The following CCNH variants were observed in gnomAD, a reference collection of about 807,000 sequenced individuals.
CCNH encodes the protein cyclin-H.
CCNH carries 31 observed loss-of-function variants against 41.9 expected under a neutral mutation model. The ratio of observed to expected loss-of-function variants is 0.74; its 90% CI spans 0.56 to 1.00. The LOEUF is 1.00. Among genes scored for constraint, CCNH ranks in the 50% least tolerant of loss-of-function variants. CCNH has a pLI of 0.00. For missense variants in CCNH, 362 were observed against 388.4 expected (o/e 0.93, Z 0.57); for synonymous variants, 138 against 136.1 (o/e 1.01, Z -0.10).
intron 9 of CCNH, chr5:87,353,065 T>C: frequency 1.0e-6 from 1 of 968,834 alleles, no homozygotes. Flanking sequence ...ATTTGCTAAT[T>C]AGATAATCCT....
At position 87,338,536 on chromosome 5, in the gene CCNH, A is replaced by ATATATATATATATT; in HGVS notation, c.*91-19640_*91-19639insAATATATATATATA. Among the ~76,000 whole-genome samples, 258 of 85,126 alleles carry ATATATATATATATT rather than the reference A, an allele frequency of 3.0e-3. 4 individuals are homozygous for ATATATATATATATT. The highest frequency in any genetic ancestry group is 4.5e-3 in the Non-Finnish European group (192 of 43,074). 55.8% of individuals were successfully genotyped at this position (85,126 alleles called of 152,430 possible). A position where few individuals can be genotyped will look rare whatever the true frequency, so the allele number is the denominator to read the frequency against. ...ATATATATATATATATATATATAAA[A>ATATATATATATATT]TTTTTTTTTTTTTTAAGTAGAAATG... On this transcript the variant is annotated intron_variant and NMD_transcript_variant, in intron 9 of 9. Transcript: ENST00000645953.
intron 7 of CCNH, among the ~76,000 whole-genome samples, chr5:87,395,455 A>G (rs1157949507): frequency 6.6e-6 from 1 of 152,214 alleles, no homozygotes; most frequent in Non-Finnish European, 1.5e-5. Context: ...TACGGTAATT[A>G]AAAGTGAGAT....
intron 9 of CCNH, chr5:87,331,647 T>C: frequency 1.1e-6 from 1 of 942,240 alleles, no homozygotes. Flanking sequence ...TAATCAGTGA[T>C]TTAGAGAGAT....
chr5:87,311,987 C>T, the CCNH span, among the ~76,000 whole-genome samples: 1 of 152,200 alleles, frequency 6.6e-6, no homozygotes, highest in Admixed American at 6.5e-5. Flanking sequence ...TAATCCTTTA[C>T]TGCATACTGG....
intron 4 of CCNH, among the ~76,000 whole-genome samples, chr5:87,406,889 C>G (rs1424476932): frequency 6.6e-6 from 1 of 152,104 alleles, no homozygotes; most frequent in Non-Finnish European, 1.5e-5. Flanking sequence ...CATAAGGTTG[C>G]CAACATGATC....
At chr5:87,346,680 A>G (rs1758886746) in intron 9 of CCNH, 2 of 1,552,432 alleles carry the variant, frequency 1.3e-6, no homozygotes, top group East Asian at 4.5e-5. Context: ...AGATGGTTCC[A>G]TGGGAAGATT....
intron 9 of CCNH, among the ~76,000 whole-genome samples, chr5:87,347,295 T>C (rs1758935006): frequency 6.6e-6 from 1 of 152,046 alleles, no homozygotes; most frequent in Non-Finnish European, 1.5e-5. Flanking sequence ...TTATTTAGTA[T>C]GTATTAATTT....
chr5:87,343,102 G>A (rs879464607), intron 9 of CCNH, among the ~76,000 whole-genome samples: 15 of 151,940 alleles, frequency 9.9e-5, no homozygotes, highest in Admixed American at 2.6e-4. Flanking sequence ...AGGGACTGTC[G>A]CAGTACTTTA....
chr5:87,372,095 T>A (rs1760992660), downstream of CCNH: 6 of 1,609,946 alleles, frequency 3.7e-6, no homozygotes, highest in Non-Finnish European at 5.1e-6. Flanking sequence ...TATATTTCTT[T>A]GAAGTGCTGT....
intron 9 of CCNH, among the ~76,000 whole-genome samples, chr5:87,319,447 G>A (rs373440265): frequency 5.3e-5 from 8 of 152,194 alleles, no homozygotes; most frequent in Non-Finnish European, 1.2e-4. Context: ...CAAGGTGGAG[G>A]CTCCCAAACC....
chr5:87,374,194 C>T, downstream of CCNH: 1 of 1,566,784 alleles, frequency 6.4e-7, no homozygotes, highest in Non-Finnish European at 8.7e-7. Context: ...ATTGAAGAAG[C>T]CCATAAACTC....
chr5:87,385,200 T>C, intron 9 of CCNH: 1 of 785,838 alleles, frequency 1.3e-6, no homozygotes, highest in Non-Finnish European at 2.3e-6. Context: ...GAATGGGTAG[T>C]AGTTTAACAG....
intron 9 of CCNH, chr5:87,349,122 A>T (rs1489747260): frequency 1.4e-6 from 2 of 1,426,234 alleles, no homozygotes; most frequent in African/African-American, 1.4e-5. Flanking sequence ...ACATATGTTT[A>T]TGACTTTGAA....
intron 8 of CCNH, 75 bp from the exon 9 acceptor site, chr5:87,394,559 A>C (rs1461191287): frequency 3.8e-6 from 6 of 1,592,662 alleles, no homozygotes; most frequent in Non-Finnish European, 5.1e-6. Flanking sequence ...CCTCCCTTTA[A>C]GAAAATGTTC....
At chr5:87,322,275 T>C (rs938122626) in intron 9 of CCNH, among the ~76,000 whole-genome samples, 18 of 152,150 alleles carry the variant, frequency 1.2e-4, no homozygotes, top group African/African-American at 4.3e-4. Context: ...CTGTCTGAGC[T>C]CCACCTTCTG....
At chr5:87,396,520 A>C (rs987488983) in intron 7 of CCNH, among the ~76,000 whole-genome samples, 4 of 152,000 alleles carry the variant, frequency 2.6e-5, no homozygotes, top group African/African-American at 7.3e-5. Flanking sequence ...AGCTACTTGG[A>C]AGGCTGAGGC....
chr5:87,363,290 AAT>A lies in CCNH; in HGVS notation c.*90+29478_*90+29479del. The A allele has an allele frequency of 5.0e-6, 7 of 1,401,372 alleles. No individual in the cohort carries two copies. In the South Asian group the frequency reaches 8.5e-5, roughly 17 times the overall value. 86.8% of individuals were successfully genotyped at this position (1,401,372 alleles called of 1,614,324 possible). On this transcript the variant is annotated intron_variant and NMD_transcript_variant, in intron 9 of 9. Coordinates refer to the CCNH transcript ENST00000645953. ...TATTTTTAGAAACACTAATTTTAAT[AAT>A]ATGTAGGATTTCACAATTGTTTGGC...
intron 9 of CCNH, among the ~76,000 whole-genome samples, chr5:87,344,566 G>GT (rs1758707425): frequency 6.6e-6 from 1 of 151,952 alleles, no homozygotes; most frequent in South Asian, 2.1e-4. Context: ...CCGGAGTGCA[G>GT]TAGTGCTATC....
At chr5:87,359,061 C>A (rs988756745) in intron 9 of CCNH, among the ~76,000 whole-genome samples, 2 of 152,060 alleles carry the variant, frequency 1.3e-5, no homozygotes, top group Non-Finnish European at 2.9e-5. Context: ...TTAATCTTTC[C>A]CTGGTTAGAA....
Sources: allele counts gnomAD v4.1 joint callset (sites outside exome capture counted in the v4.1 genomes callset), GRCh38; gene constraint gnomAD v4.1.1; transcripts MANE v1.5; gene names NCBI Gene and HGNC (gene_info 2026-07-23, HGNC 2026-07-21).